MMP24: variants seen among roughly 807,000 people sequenced by gnomAD.
The protein encoded by MMP24 is matrix metalloproteinase-24.
MMP24 carries 25 observed loss-of-function variants against 62.8 expected under a neutral mutation model. The observed-to-expected ratio is 0.40, with a 90% confidence interval of 0.29 to 0.56. The LOEUF (loss-of-function observed/expected upper bound fraction) is 0.56. Ranked by LOEUF, MMP24 falls within the 20% of genes least tolerant of loss-of-function variation. MMP24 has a pLI of 0.50. For synonymous variants in MMP24, 319 were observed against 350.5 expected (o/e 0.91, Z 1.00); for missense variants, 634 against 853.6 (o/e 0.74, Z 3.21).
rs1406172127 is a variant in MMP24, at chr20:35,263,864, C to T, written c.891C>T (p.Ser297=). The T allele has an allele frequency of 6.8e-6, 11 of 1,612,340 alleles. No homozygotes were observed. The highest frequency in any genetic ancestry group is 2.2e-5 in the South Asian group (2 of 90,846). ...ALGLEHSSDP[S]AIMAPFYQYM... ...GACTGGAGCACTCCAGCGACCCCAG[C>T]GCCATCATGGCGCCCTTCTACCAGT... The change falls in exon 5 of 9, where the codon AGC becomes AGT. Residue 297 remains serine, a synonymous_variant. Coordinates refer to ENST00000246186, the MANE Select transcript of MMP24 (RefSeq NM_006690.4).
At chr20:35,273,457 A>G (rs2060684562) in intron 8 of MMP24, among the ~76,000 whole-genome samples, 1 of 151,984 alleles carries the variant, frequency 6.6e-6, no homozygotes, top group Non-Finnish European at 1.5e-5. Context: ...GGGCCGTGTT[A>G]GAGATGGCTG....
At chr20:35,239,814 C>CCAAA (rs919989465) in intron 1 of MMP24, among the ~76,000 whole-genome samples, 2 of 152,082 alleles carry the variant, frequency 1.3e-5, no homozygotes, top group South Asian at 2.1e-4. Flanking sequence ...AAAAAACCAA[C>CCAAA]CAAACAAACA....
At chr20:35,237,627 GTCC>G (rs1411811236) in intron 1 of MMP24, among the ~76,000 whole-genome samples, 1 of 152,210 alleles carries the variant, frequency 6.6e-6, no homozygotes, top group Admixed American at 6.5e-5. Flanking sequence ...ATCTCACTGA[GTCC>G]TCCTAACAGC....
chr20:35,246,814 A>T, intron 1 of MMP24, 26 bp from the exon 2 acceptor site: 1 of 1,612,764 alleles, frequency 6.2e-7, no homozygotes, highest in Non-Finnish European at 8.5e-7. Flanking sequence ...AGCATAACGC[A>T]TCTTTTTCTT....
At chr20:35,248,306 C>A (rs79676967) in intron 2 of MMP24, among the ~76,000 whole-genome samples, 7 of 136,792 alleles carry the variant, frequency 5.1e-5, no homozygotes, top group African/African-American at 1.7e-4. Flanking sequence ...TTCCCCCCCC[C>A]TTTTTTTTTT....
At chr20:35,251,443 T>C (rs1049544738) in intron 2 of MMP24, among the ~76,000 whole-genome samples, 2 of 152,172 alleles carry the variant, frequency 1.3e-5, no homozygotes, top group African/African-American at 4.8e-5. Flanking sequence ...TGAATTTTAT[T>C]CTCAGTGTTT....
intron 2 of MMP24, among the ~76,000 whole-genome samples, chr20:35,250,658 C>T (rs770168529): frequency 3.0e-4 from 46 of 151,970 alleles, no homozygotes; most frequent in Non-Finnish European, 5.6e-4. Flanking sequence ...ACAGGCTTTA[C>T]AGGAAGCATG....
At chr20:35,265,112 AG>A (rs2060626071) in intron 5 of MMP24, among the ~76,000 whole-genome samples, 1 of 152,188 alleles carries the variant, frequency 6.6e-6, no homozygotes, top group Admixed American at 6.5e-5. Flanking sequence ...GAGAGGAAGG[AG>A]GGAGGGTCAA....
chr20:35,251,302 T>A (rs2060545316), intron 2 of MMP24, among the ~76,000 whole-genome samples: 1 of 151,978 alleles, frequency 6.6e-6, no homozygotes, highest in Non-Finnish European at 1.5e-5. Flanking sequence ...TTTTTGTATT[T>A]TTAGTACAGA....
chr20:35,247,882 C>A (rs1242186130), intron 2 of MMP24, among the ~76,000 whole-genome samples: 3 of 151,996 alleles, frequency 2.0e-5, no homozygotes, highest in Admixed American at 6.6e-5. Flanking sequence ...GAAGAGGTGG[C>A]AAGTGGAGGG....
At chr20:35,268,798 A>T (rs370165421) in intron 6 of MMP24, among the ~76,000 whole-genome samples, 55 of 150,372 alleles carry the variant, frequency 3.7e-4, no homozygotes, top group East Asian at 2.0e-4. Flanking sequence ...GAGGCCAAGG[A>T]GGGCGGATCA....
At chr20:35,244,374 A>C (rs751976215) in intron 1 of MMP24, among the ~76,000 whole-genome samples, 15 of 151,946 alleles carry the variant, frequency 9.9e-5, no homozygotes, top group Non-Finnish European at 1.9e-4. Flanking sequence ...AGCTGATGCC[A>C]CACATATTTC....
At chr20:35,267,051 A>G (rs2049704319) in intron 5 of MMP24, among the ~76,000 whole-genome samples, 154 bp from the exon 6 acceptor site, 1 of 152,118 alleles carries the variant, frequency 6.6e-6, no homozygotes, top group African/African-American at 2.4e-5. Flanking sequence ...ATTTTCATCC[A>G]TTTTCTCAAA....
At chr20:35,228,302 T>C (rs2060424034) in intron 1 of MMP24, among the ~76,000 whole-genome samples, 1 of 152,208 alleles carries the variant, frequency 6.6e-6, no homozygotes, top group South Asian at 2.1e-4. Flanking sequence ...AGATATGGTG[T>C]GTAAAAGAAC....
intron 1 of MMP24, among the ~76,000 whole-genome samples, chr20:35,233,679 T>C (rs1374270787): frequency 6.6e-6 from 1 of 152,218 alleles, no homozygotes; most frequent in African/African-American, 2.4e-5. Context: ...TTCCTTTTAG[T>C]TTTATTATGG....
chr20:35,237,014 T>TGG (rs1175677487), intron 1 of MMP24, among the ~76,000 whole-genome samples: 13 of 141,012 alleles, frequency 9.2e-5, no homozygotes, highest in African/African-American at 3.4e-4. Flanking sequence ...AGCAAGTTGG[T>TGG]GGGGGAGCTG....
rs1294062920 is a variant in MMP24 at position 35,274,298 on chromosome 20, G to A, written c.1627G>A (p.Asp543Asn). 3.1e-6 allele frequency: 5 copies of A among 1,612,512 alleles called. No homozygotes were observed. The African/African-American group carries it at 4.0e-5, about 13-fold the overall frequency. ...TTACACCTATTTCTACAAGGGCCGG[G>A]ACTACTGGAAGTTTGACAACCAGAA... ...GYYTYFYKGR[D>N]YWKFDNQKLS... The change falls in exon 9 of 9, where the codon GAC becomes AAC. Residue 543 changes from aspartate to asparagine, a missense_variant. Transcript: ENST00000246186. The surrounding 1 kb of genome is among the most constrained non-coding windows in gnomAD (Gnocchi z 5.1).
intron 4 of MMP24, among the ~76,000 whole-genome samples, chr20:35,260,718 C>A (rs1024351733): frequency 6.6e-6 from 1 of 152,254 alleles, no homozygotes; most frequent in Non-Finnish European, 1.5e-5. Context: ...TTTTGGCCAA[C>A]CTTGCACTGA....
At chr20:35,257,593 T>G (rs1209020214) in intron 4 of MMP24, among the ~76,000 whole-genome samples, 1 of 152,108 alleles carries the variant, frequency 6.6e-6, no homozygotes, top group Non-Finnish European at 1.5e-5. Context: ...TGCCCAGCAC[T>G]GGGGGTGTGC....
Sources: allele counts gnomAD v4.1 joint callset (sites outside exome capture counted in the v4.1 genomes callset), GRCh38; gene constraint gnomAD v4.1.1; non-coding constraint Gnocchi (gnomAD v3.1); transcripts MANE v1.5; gene names NCBI Gene and HGNC (gene_info 2026-07-23, HGNC 2026-07-21).